Variants in SDK1 observed in about 807,000 individuals in gnomAD.
SDK1 encodes the protein protein sidekick-1.
SDK1 carries 157 observed loss-of-function variants against 245.5 expected under a neutral mutation model. The observed-to-expected ratio is 0.64, with a 90% confidence interval of 0.56 to 0.73. The LOEUF is 0.73. Among genes scored for constraint, SDK1 ranks in the 30% least tolerant of loss-of-function variants. The probability of loss-of-function intolerance (pLI) is 0.00; values close to 1 mark genes in which losing one functional copy is unlikely to be tolerated. For missense variants in SDK1, 3,583 were observed against 3,002.3 expected (o/e 1.19, Z -4.52); for synonymous variants, 1,647 against 1,278.5 (o/e 1.29, Z -6.15).
At chr7:3,634,093 C>T (rs1349482307) in intron 2 of SDK1, among the ~76,000 whole-genome samples, 5 of 152,286 alleles carry the variant, frequency 3.3e-5, no homozygotes, top group Middle Eastern at 3.4e-3. Flanking sequence ...CATGCTGTGT[C>T]TCAGAGCTGG....
At chr7:4,156,138 A>G (rs1780719132) in intron 30 of SDK1, among the ~76,000 whole-genome samples, 1 of 152,126 alleles carries the variant, frequency 6.6e-6, no homozygotes, top group South Asian at 2.1e-4. Context: ...GTTAACTGGG[A>G]GGTAGAAGCC....
intron 38 of SDK1, among the ~76,000 whole-genome samples, chr7:4,215,720 CA>C (rs1002311439): frequency 5.3e-5 from 8 of 152,172 alleles, no homozygotes; most frequent in African/African-American, 1.9e-4. Context: ...CACAGCCGTG[CA>C]TGAGAGAGGT....
chr7:3,701,221 T>C lies in SDK1; in HGVS notation c.713+59116T>C, dbSNP rs189434090. Among the ~76,000 whole-genome samples, 47 of 152,270 alleles carry C rather than the reference T, an allele frequency of 3.1e-4. 1 individual carries two copies. The highest frequency in any genetic ancestry group is 1.1e-3 in the African/African-American group (44 of 41,554). On this transcript the variant is annotated intron_variant, in intron 4 of 44. Transcript: ENST00000404826. The stretch of plus-strand genomic sequence containing the variant: ...AATTGCTTTAAAAAACACTTAGGTA[T>C]AAATCCAACAGAACATATACAGCAC...
rs367872507 is a variant in SDK1, at chr7:3,681,041, C to T, written c.713+38936C>T. 9.2e-5 allele frequency among the ~76,000 whole-genome samples: 14 copies of T among 152,206 alleles called. No homozygotes were observed. In the East Asian group the frequency reaches 1.7e-3, roughly 19 times the overall value. On this transcript the variant is annotated intron_variant, in intron 4 of 44. Coordinates refer to ENST00000404826, the MANE Select transcript of SDK1 (RefSeq NM_152744.4). ...GTATTTTTTAGTAGAGATGGGGTTT[C>T]GCCATGTTGGCCAGGATGATCTCGA...
chr7:3,634,181 C>T (rs996017875), intron 2 of SDK1, among the ~76,000 whole-genome samples: 1 of 152,148 alleles, frequency 6.6e-6, no homozygotes, highest in Admixed American at 6.6e-5. Flanking sequence ...TAAGCCCCAT[C>T]TCCACAAAAG....
chr7:3,882,671 C>T (rs951062279), intron 5 of SDK1, among the ~76,000 whole-genome samples: 1 of 151,976 alleles, frequency 6.6e-6, no homozygotes, highest in South Asian at 2.1e-4. Context: ...CTTCCATGAA[C>T]AAACTGTTTT....
chr7:3,676,860 G>A (rs998565545), intron 4 of SDK1, among the ~76,000 whole-genome samples: 2 of 152,064 alleles, frequency 1.3e-5, no homozygotes, highest in African/African-American at 4.8e-5. Context: ...CTGCTCCATT[G>A]GTCTGTGTGT....
At chr7:3,562,710 A>G (rs1299586246) in intron 1 of SDK1, among the ~76,000 whole-genome samples, 1 of 152,240 alleles carries the variant, frequency 6.6e-6, no homozygotes, top group Non-Finnish European at 1.5e-5. Context: ...CACTAAGTGC[A>G]ATCACGTTAA....
At chr7:3,599,847 A>T (rs529138458) in intron 1 of SDK1, among the ~76,000 whole-genome samples, 1 of 152,206 alleles carries the variant, frequency 6.6e-6, no homozygotes, top group Admixed American at 6.5e-5. Context: ...CTGTAGCTAG[A>T]TAGTAACTTT....
intron 1 of SDK1, among the ~76,000 whole-genome samples, chr7:3,543,762 C>T (rs79223413): frequency 0.015 from 2,303 of 152,194 alleles, 53 homozygotes; most frequent in African/African-American, 0.052. Context: ...TATTGATGTT[C>T]GTATGTTGTG....
chr7:3,805,046 A>G (rs1452768148), intron 4 of SDK1, among the ~76,000 whole-genome samples: 1 of 152,234 alleles, frequency 6.6e-6, no homozygotes, highest in Admixed American at 6.5e-5. Flanking sequence ...AAAAAGAAAA[A>G]AAATACATGA....
chr7:3,630,989 G>A (rs1782271960), intron 2 of SDK1, among the ~76,000 whole-genome samples: 1 of 152,056 alleles, frequency 6.6e-6, no homozygotes, highest in African/African-American at 2.4e-5. Flanking sequence ...AGGTTGGAGT[G>A]CAGTGGTGCA....
In SDK1 at chr7:3,816,970, G is replaced by A. The variant is rs180745614; in HGVS notation, c.714-4480G>A. On this transcript the variant is annotated intron_variant, in intron 4 of 44. Coordinates refer to ENST00000404826, the MANE Select transcript of SDK1 (RefSeq NM_152744.4). ...CTAGTCAAATGTTACTTTAAAGTTC[G>A]TAGTGGTAAAACTATAGACTCAAAT... Among the ~76,000 whole-genome samples the A allele has an allele frequency of 1.5e-3, 230 of 152,080 alleles. 1 individual carries two copies. The highest frequency in any genetic ancestry group is 5.1e-3 in the African/African-American group (210 of 41,470).
rs561958482 is a variant in SDK1, at chr7:3,338,632, A to AAAC, written c.298+36750_298+36751insCAA. On this transcript the variant is annotated intron_variant, in intron 1 of 44. Coordinates refer to ENST00000404826, the MANE Select transcript of SDK1 (RefSeq NM_152744.4). ...GTTAAAAACAAACAAACAAACAAAC[A>AAAC]AAAAAAAACACCAAAACAAGAAAAT... is the stretch of plus-strand genomic sequence containing the variant. 7.7e-3 allele frequency: 428 copies of AAAC among 55,242 alleles called. 4 individuals carry two copies. In the East Asian group the frequency reaches 0.14, roughly 18 times the overall value. The allele number at this position is 55,242 out of a possible 1,614,324, so 3.4% of individuals were successfully genotyped here.
chr7:3,750,361 G>C (rs770733272), intron 4 of SDK1, among the ~76,000 whole-genome samples: 13 of 152,172 alleles, frequency 8.5e-5, no homozygotes, highest in Non-Finnish European at 1.8e-4. Flanking sequence ...CCACAAGCAG[G>C]TAAAGAATGT....
chr7:4,207,592 T>C (rs1784295495), intron 36 of SDK1, among the ~76,000 whole-genome samples: 2 of 152,126 alleles, frequency 1.3e-5, no homozygotes, highest in Non-Finnish European at 2.9e-5. Flanking sequence ...AAAACTTAGA[T>C]GTCGGCTCTG....
intron 1 of SDK1, among the ~76,000 whole-genome samples, chr7:3,409,431 C>T (rs991541555): frequency 6.6e-6 from 1 of 151,842 alleles, no homozygotes; most frequent in Admixed American, 6.6e-5. Context: ...GGTGGCTGTT[C>T]TGCCTCTTCA....
intron 4 of SDK1, among the ~76,000 whole-genome samples, chr7:3,718,494 C>T (rs1177565185): frequency 6.6e-6 from 1 of 151,026 alleles, no homozygotes; most frequent in Admixed American, 6.6e-5. Context: ...TGCACTCCAG[C>T]CTGGGTGACA....
intron 32 of SDK1, among the ~76,000 whole-genome samples, chr7:4,169,329 T>G (rs1336147319): frequency 6.6e-6 from 1 of 152,180 alleles, no homozygotes; most frequent in East Asian, 1.9e-4. Flanking sequence ...GCTCAGGCAC[T>G]GGGAACTGTA....
Sources: allele counts gnomAD v4.1 joint callset (sites outside exome capture counted in the v4.1 genomes callset), GRCh38; gene constraint gnomAD v4.1.1; transcripts MANE v1.5; gene names NCBI Gene and HGNC (gene_info 2026-07-23, HGNC 2026-07-21).